Variants in RALGPS2 observed in about 807,000 individuals in gnomAD.
RALGPS2 encodes Ral GEF with PH domain and SH3 binding motif 2.
A neutral mutation model predicts 86.8 loss-of-function variants in RALGPS2; 43 were observed. The ratio of observed to expected loss-of-function variants is 0.50; its 90% CI spans 0.39 to 0.64. The LOEUF (loss-of-function observed/expected upper bound fraction) is 0.64, where lower values mean the gene tolerates loss of function less well. Ranked by LOEUF, RALGPS2 falls within the 30% of genes least tolerant of loss-of-function variation. The pLI, the probability that RALGPS2 is intolerant of heterozygous loss-of-function variation, is 0.00. For missense variants in RALGPS2, 536 were observed against 694.6 expected, an observed-to-expected ratio of 0.77 and a Z score of 2.57; for synonymous variants, 243 against 231.3, an observed-to-expected ratio of 1.05 and a Z score of -0.46.
At chr1:178,732,752 A>G (rs1376418174) in intron 1 of RALGPS2, among the ~76,000 whole-genome samples, 2 of 150,686 alleles carry the variant, frequency 1.3e-5, no homozygotes, top group African/African-American at 4.9e-5. Flanking sequence ...TTTTTTAAAC[A>G]TAAAATGTTG....
chr1:178,817,011 T>C (rs971777908), intron 6 of RALGPS2, among the ~76,000 whole-genome samples: 4 of 151,758 alleles, frequency 2.6e-5, no homozygotes, highest in Non-Finnish European at 4.4e-5. Context: ...CCCAGCCAAA[T>C]TAATTTTTGT....
At chr1:178,825,987 A>G (rs914423807) in intron 7 of RALGPS2, among the ~76,000 whole-genome samples, 1 of 152,194 alleles carries the variant, frequency 6.6e-6, no homozygotes, top group African/African-American at 2.4e-5. Flanking sequence ...CTCCAGGCAT[A>G]TGTTACAAGG....
intron 19 of RALGPS2, among the ~76,000 whole-genome samples, chr1:178,911,005 A>C (rs747235718): frequency 1.3e-5 from 2 of 152,124 alleles, no homozygotes; most frequent in African/African-American, 2.4e-5. Context: ...TTGTGTTTCC[A>C]GGAATTTATC....
rs1330865900 is a variant in RALGPS2, at chr1:178,917,564, T to G, written c.*1205T>G. On this transcript the variant is annotated 3_prime_UTR_variant, in exon 20 of 20. Transcript: ENST00000367635. ...TTTAAGTATCTAAACTTTATACTTG[T>G]ATGATTTACCATAAACATACCAAAA... The G allele has an allele frequency of 1.3e-5, 2 of 152,166 alleles. No individual in the cohort carries two copies. The highest frequency in any genetic ancestry group is 4.8e-5 in the African/African-American group (2 of 41,446). 9.4% of individuals were successfully genotyped at this position (152,166 alleles called of 1,614,324 possible). A position where few individuals can be genotyped will look rare whatever the true frequency, so the allele number is the denominator to read the frequency against.
At chr1:178,889,437 G>A (rs535474686) in intron 13 of RALGPS2, among the ~76,000 whole-genome samples, 2 of 152,034 alleles carry the variant, frequency 1.3e-5, no homozygotes, top group African/African-American at 4.8e-5. Flanking sequence ...GTTATTTTAG[G>A]TTGTCGTGTC....
In RALGPS2 at chr1:178,908,372, T is replaced by A. The variant is rs139442353; in HGVS notation, c.1722+1505T>A. 3.3e-5 allele frequency among the ~76,000 whole-genome samples: 5 copies of A among 152,372 alleles called. No homozygotes were observed. The East Asian group carries it at 9.6e-4, about 29-fold the overall frequency. On this transcript the variant is annotated intron_variant, in intron 19 of 19. Coordinates refer to ENST00000367635, the MANE Select transcript of RALGPS2 (RefSeq NM_152663.5). ...GTAGGTTGATTCCATGTCTTTGCTA[T>A]AGTGTATACTGCTGGGATGAACATA...
intron 8 of RALGPS2, among the ~76,000 whole-genome samples, chr1:178,875,915 G>C (rs1658983284): frequency 6.6e-6 from 1 of 152,140 alleles, no homozygotes; most frequent in South Asian, 2.1e-4. Context: ...CTTCCTCCAA[G>C]ATTGGGGAAA....
chr1:178,873,360 G>A (rs753856160), intron 8 of RALGPS2, among the ~76,000 whole-genome samples: 8 of 152,046 alleles, frequency 5.3e-5, no homozygotes, highest in Non-Finnish European at 1.2e-4. Context: ...AAATATATAC[G>A]TTTAACCTTA....
chr1:178,841,329 T>C (rs1349989432), intron 8 of RALGPS2, among the ~76,000 whole-genome samples: 1 of 150,046 alleles, frequency 6.7e-6, no homozygotes, highest in Non-Finnish European at 1.5e-5. Flanking sequence ...ATCGCTGGGA[T>C]GCAAGGCTGG....
intron 19 of RALGPS2, among the ~76,000 whole-genome samples, chr1:178,912,983 G>A (rs1421563188): frequency 6.6e-6 from 1 of 152,014 alleles, no homozygotes; most frequent in Non-Finnish European, 1.5e-5. Context: ...GCTTCCAATT[G>A]CATTATGAAA....
intron 19 of RALGPS2, among the ~76,000 whole-genome samples, chr1:178,913,981 A>G (rs1447171106): frequency 6.6e-6 from 1 of 152,184 alleles, no homozygotes; most frequent in African/African-American, 2.4e-5. Context: ...TAAAAGCACT[A>G]TGGTGACAGT....
At chr1:178,746,041 C>T (rs1270271253) in intron 1 of RALGPS2, among the ~76,000 whole-genome samples, 5 of 151,828 alleles carry the variant, frequency 3.3e-5, no homozygotes, top group Non-Finnish European at 7.4e-5. Flanking sequence ...AGGCTGGTCT[C>T]GACCTCCTGA....
chr1:178,732,293 T>TTTTATTTA (rs60426564), intron 1 of RALGPS2, among the ~76,000 whole-genome samples: 42,752 of 150,054 alleles, frequency 0.28, 6,341 homozygotes, highest in African/African-American at 0.32. Flanking sequence ...TCCTGATTTA[T>TTTTATTTA]TTTATTTATT....
intron 19 of RALGPS2, among the ~76,000 whole-genome samples, chr1:178,913,333 A>C (rs979970178): frequency 1.3e-5 from 2 of 151,836 alleles, no homozygotes; most frequent in African/African-American, 2.4e-5. Flanking sequence ...GTGAATTTTT[A>C]AATTCCAGAG....
chr1:178,794,721 G>A (rs932607671), intron 4 of RALGPS2, among the ~76,000 whole-genome samples: 1 of 152,156 alleles, frequency 6.6e-6, no homozygotes, highest in African/African-American at 2.4e-5. Context: ...TTTCTTTCCA[G>A]TAGCAATTCT....
intron 1 of RALGPS2, among the ~76,000 whole-genome samples, chr1:178,760,859 G>A (rs893121939): frequency 1.3e-5 from 2 of 151,808 alleles, no homozygotes. Flanking sequence ...AAATTTTCTT[G>A]AATTATTTTC....
chr1:178,893,835 A>G, intron 15 of RALGPS2, 84 bp from the exon 16 acceptor site: 1 of 859,274 alleles, frequency 1.2e-6, no homozygotes, highest in Non-Finnish European at 1.8e-6. Context: ...TTTAAAATTA[A>G]GAATAATTAC....
chr1:178,734,014 A>G (rs1650537136), intron 1 of RALGPS2, among the ~76,000 whole-genome samples: 1 of 152,258 alleles, frequency 6.6e-6, no homozygotes, highest in East Asian at 1.9e-4. Flanking sequence ...CACTCCTATA[A>G]CTCAATAATA....
chr1:178,734,111 A>G (rs12067160), intron 1 of RALGPS2, among the ~76,000 whole-genome samples: 4,990 of 152,312 alleles, frequency 0.033, 145 homozygotes, highest in East Asian at 0.092. Context: ...ACATGAAAAC[A>G]TGCTCGACAT....
Sources: allele counts gnomAD v4.1 joint callset (sites outside exome capture counted in the v4.1 genomes callset), GRCh38; gene constraint gnomAD v4.1.1; transcripts MANE v1.5; gene names NCBI Gene and HGNC (gene_info 2026-07-23, HGNC 2026-07-21).